The following SUCLG2 variants were observed in gnomAD, a reference collection of about 807,000 sequenced individuals.
SUCLG2 encodes succinate--CoA ligase [GDP-forming] subunit beta, mitochondrial.
SUCLG2 carries 42 observed loss-of-function variants against 47.9 expected under a neutral mutation model. The observed-to-expected ratio is 0.88, with a 90% CI of 0.69 to 1.14. SUCLG2 has a LOEUF of 1.14. Ranked by LOEUF, SUCLG2 falls within the 50% of genes most tolerant of loss-of-function variation. SUCLG2 has a pLI of 0.00. For synonymous variants in SUCLG2, 195 were observed against 197.3 expected (o/e 0.99, Z 0.10); for missense variants, 571 against 525.9 (o/e 1.09, Z -0.84).
At chr3:67,470,188 TA>T (rs1046305687) in intron 9 of SUCLG2, among the ~76,000 whole-genome samples, 2 of 151,908 alleles carry the variant, frequency 1.3e-5, no homozygotes, top group Admixed American at 6.6e-5. Flanking sequence ...TTTAATAAAC[TA>T]AAAAAAATGT....
intron 10 of SUCLG2, among the ~76,000 whole-genome samples, chr3:67,397,004 G>T (rs939993964): frequency 6.6e-6 from 1 of 151,512 alleles, no homozygotes. Context: ...AATAAATTAG[G>T]TATTGATGGG....
chr3:67,559,006 A>G (rs1308302277), intron 2 of SUCLG2, among the ~76,000 whole-genome samples: 1 of 152,228 alleles, frequency 6.6e-6, no homozygotes, highest in Non-Finnish European at 1.5e-5. Flanking sequence ...TTAGTCTTTC[A>G]TATAGGTTTC....
At chr3:67,373,238 T>TA (rs1159502068), downstream of SUCLG2, among the ~76,000 whole-genome samples, 1 of 149,530 alleles carries the variant, frequency 6.7e-6, no homozygotes, top group Non-Finnish European at 1.5e-5. Flanking sequence ...GCTTTGCACT[T>TA]AAAAAACAAT....
At chr3:67,574,162 C>T (rs2107242767) in intron 2 of SUCLG2, among the ~76,000 whole-genome samples, 1 of 152,298 alleles carries the variant, frequency 6.6e-6, no homozygotes, top group African/African-American at 2.4e-5. Flanking sequence ...TCATCTCTGA[C>T]CTAAAATGGA....
chr3:67,631,395 A>G (rs1700923227), intron 1 of SUCLG2, among the ~76,000 whole-genome samples: 1 of 152,232 alleles, frequency 6.6e-6, no homozygotes, highest in African/African-American at 2.4e-5. Context: ...TAGGAGGCCG[A>G]GGTGGGTGGA....
Position 67,375,502 on chromosome 3 carries a change from G to A in SUCLG2, c.*242C>T. ...AAAGTCTGCAAAACACTGCCTACTGGGCAGGCTTACAGTGACAGAAAAGTA... is the reference window on the plus strand; with the variant it reads ...AAAGTCTGCAAAACACTGCCTACTGAGCAGGCTTACAGTGACAGAAAAGTA... On this transcript the variant is annotated 3_prime_UTR_variant, in exon 11 of 11. Transcript: ENST00000307227. 8.2e-7 allele frequency: 1 copy of A among 1,218,278 alleles called. No homozygotes were observed. The highest frequency in any genetic ancestry group is 1.0e-6 in the Non-Finnish European group (1 of 974,122). 75.5% of individuals were successfully genotyped at this position (1,218,278 alleles called of 1,614,324 possible). A position where few individuals can be genotyped will look rare whatever the true frequency, so the allele number is the denominator to read the frequency against.
rs1452895930 is a variant in SUCLG2, at chr3:67,498,208, T to C, written c.845A>G (p.Asn282Ser). The change falls in exon 8 of 11, where the codon AAT becomes AGT. Residue 282 changes from asparagine to serine, a missense_variant. By Grantham distance (46) the Asn-to-Ser change is conservative (BLOSUM62 1). Coordinates refer to ENST00000307227, the MANE Select transcript of SUCLG2 (RefSeq NM_003848.4). ...GGCAGCTTCATTTTCAATGGGCTCA[T>C]TCTCTGATTTGTCGTCCATAGCAAA... ...DIFAMDDKSE[N>S]EPIENEAAKY... 2.5e-6 allele frequency: 4 copies of C among 1,613,792 alleles called. No homozygotes were observed. The highest frequency in any genetic ancestry group is 2.5e-6 in the Non-Finnish European group (3 of 1,179,876).
intron 2 of SUCLG2, among the ~76,000 whole-genome samples, chr3:67,533,632 A>AT (rs1241432508): frequency 6.6e-6 from 1 of 152,194 alleles, no homozygotes; most frequent in East Asian, 1.9e-4. Context: ...AGAATATACA[A>AT]TTATATAGAG....
At chr3:67,651,572 G>C (rs1034228317) in intron 1 of SUCLG2, among the ~76,000 whole-genome samples, 1 of 152,178 alleles carries the variant, frequency 6.6e-6, no homozygotes, top group Admixed American at 6.5e-5. Flanking sequence ...CAAAACCAGC[G>C]TTATAAGTCA....
At chr3:67,489,479 G>T (rs934868628) in intron 9 of SUCLG2, among the ~76,000 whole-genome samples, 3 of 152,048 alleles carry the variant, frequency 2.0e-5, no homozygotes, top group Non-Finnish European at 4.4e-5. Context: ...CTATCAGGTC[G>T]ACTACCACTA....
intron 9 of SUCLG2, among the ~76,000 whole-genome samples, chr3:67,481,828 C>T (rs543240510): frequency 6.6e-6 from 1 of 152,192 alleles, no homozygotes; most frequent in African/African-American, 2.4e-5. Context: ...CATCAAATAT[C>T]GGATGGTTTC....
At chr3:67,382,397 A>T (rs1288600417) in intron 10 of SUCLG2, among the ~76,000 whole-genome samples, 1 of 152,174 alleles carries the variant, frequency 6.6e-6, no homozygotes, top group Non-Finnish European at 1.5e-5. Context: ...TGCTAGAAGG[A>T]ATTCACTAGA....
chr3:67,509,988 T>C (rs929532775), intron 6 of SUCLG2, among the ~76,000 whole-genome samples: 2 of 152,064 alleles, frequency 1.3e-5, no homozygotes, highest in Non-Finnish European at 2.9e-5. Context: ...AGAGCCAGGG[T>C]ACTTCCACTC....
intron 1 of SUCLG2, among the ~76,000 whole-genome samples, chr3:67,615,927 T>C (rs764300899): frequency 3.3e-5 from 5 of 152,046 alleles, no homozygotes; most frequent in Non-Finnish European, 7.3e-5. Context: ...AATAGAAGAC[T>C]GGCAAAACAA....
chr3:67,559,352 C>T (rs946344759), intron 2 of SUCLG2, among the ~76,000 whole-genome samples: 1 of 152,112 alleles, frequency 6.6e-6, no homozygotes, highest in Non-Finnish European at 1.5e-5. Context: ...CTCACTGTTC[C>T]GCATGGCTGG....
intron 9 of SUCLG2, among the ~76,000 whole-genome samples, chr3:67,467,673 G>A (rs1342194360): frequency 1.3e-5 from 2 of 152,022 alleles, no homozygotes; most frequent in Non-Finnish European, 2.9e-5. Flanking sequence ...ATAACCAAGA[G>A]TTAATGGAAA....
chr3:67,561,429 T>G (rs538047543), intron 2 of SUCLG2, among the ~76,000 whole-genome samples: 5 of 152,128 alleles, frequency 3.3e-5, no homozygotes, highest in Non-Finnish European at 7.3e-5. Context: ...TCAGCAAGTC[T>G]TAAAGTTCCC....
intron 9 of SUCLG2, among the ~76,000 whole-genome samples, chr3:67,454,352 G>A (rs1704129574): frequency 6.6e-6 from 1 of 151,750 alleles, no homozygotes; most frequent in Non-Finnish European, 1.5e-5. Flanking sequence ...TCGCACTGGT[G>A]GTTACAAGGC....
At chr3:67,526,626 T>C (rs1559558448) in intron 4 of SUCLG2, among the ~76,000 whole-genome samples, 1 of 152,028 alleles carries the variant, frequency 6.6e-6, no homozygotes, top group Non-Finnish European at 1.5e-5. Context: ...ATTAGGGAAA[T>C]GCAAATTAAA....
Sources: allele counts gnomAD v4.1 joint callset (sites outside exome capture counted in the v4.1 genomes callset), GRCh38; gene constraint gnomAD v4.1.1; transcripts MANE v1.5; gene names NCBI Gene and HGNC (gene_info 2026-07-23, HGNC 2026-07-21).